WDFY4: variants seen among roughly 807,000 people sequenced by gnomAD.
The protein encoded by WDFY4 is WDFY family member 4.
A neutral mutation model predicts 351.9 loss-of-function variants in WDFY4; 169 were observed. That is an observed-to-expected ratio of 0.48 (90% confidence interval 0.42 to 0.55). WDFY4 has a LOEUF of 0.55. Among genes scored for constraint, WDFY4 ranks in the 20% least tolerant of loss-of-function variants. WDFY4 has a pLI of 0.00. For synonymous variants in WDFY4, 1,622 were observed against 1,574.6 expected (o/e 1.03, Z -0.71); for missense variants, 3,803 against 3,935.6 (o/e 0.97, Z 0.90).
intron 13 of WDFY4, among the ~76,000 whole-genome samples, chr10:48,761,485 G>A (rs2065504618): frequency 6.6e-6 from 1 of 152,192 alleles, no homozygotes; most frequent in African/African-American, 2.4e-5. Context: ...CTGTGAGAAG[G>A]TGTGAAGAAA....
At chr10:48,805,027 G>A (rs1477100159) in intron 25 of WDFY4, among the ~76,000 whole-genome samples, 1 of 152,098 alleles carries the variant, frequency 6.6e-6, no homozygotes, top group Non-Finnish European at 1.5e-5. Context: ...GTTTGTCTTT[G>A]AAGGTGGTTT....
At chr10:48,817,483 TCCCTC>T in intron 32 of WDFY4, 74 bp downstream of exon 32, 3 of 1,427,204 alleles carry the variant, frequency 2.1e-6, no homozygotes, top group Non-Finnish European at 2.8e-6. Flanking sequence ...AAGGGCAAAA[TCCCTC>T]CCCTCCCCCC....
At position 48,705,996 on chromosome 10, in the gene WDFY4, T is replaced by C. The variant is rs552387512; in HGVS notation, c.-17-3720T>C. On this transcript the variant is annotated intron_variant, in intron 1 of 61. Transcript: ENST00000325239. ...GGTAGAGACAACACTAAGCTTGCTG[T>C]TACCATGGCTTGGGGCTGGCTCTAT... Among the ~76,000 whole-genome samples the C allele has an allele frequency of 3.9e-5, 6 of 152,314 alleles. No individual in the cohort carries two copies. The South Asian group carries it at 6.2e-4, about 16-fold the overall frequency.
intron 12 of WDFY4, among the ~76,000 whole-genome samples, chr10:48,749,191 C>G (rs1382363786): frequency 6.6e-6 from 1 of 152,148 alleles, no homozygotes; most frequent in Non-Finnish European, 1.5e-5. Flanking sequence ...GAATATTTTT[C>G]ATAACACAGA....
intron 43 of WDFY4, among the ~76,000 whole-genome samples, chr10:48,880,865 G>A (rs900784363): frequency 6.6e-6 from 1 of 152,256 alleles, no homozygotes; most frequent in African/African-American, 2.4e-5. Context: ...CCTGCTTCTG[G>A]AGATGCAGGC....
rs112243459 is a variant in WDFY4 at position 48,734,375 on chromosome 10, A to G, written c.1687+340A>G. 1.7e-3 allele frequency among the ~76,000 whole-genome samples: 265 copies of G among 152,304 alleles called. 2 individuals carry two copies. The highest frequency in any genetic ancestry group is 6.2e-3 in the African/African-American group (257 of 41,566). On this transcript the variant is annotated intron_variant, in intron 10 of 61. Coordinates refer to ENST00000325239, the MANE Select transcript of WDFY4 (RefSeq NM_001394531.1). ...AATTTTTTTTTAGATCCAAAGAGTA[A>G]CATACGGGCAAAGAAATCTAGCCAT...
Position 48,709,640 on chromosome 10 carries a change from C to T in WDFY4, c.-17-76C>T, listed in dbSNP as rs2063718762. On this transcript the variant is annotated intron_variant, in intron 1 of 61. Coordinates refer to ENST00000325239, the MANE Select transcript of WDFY4 (RefSeq NM_001394531.1). ...CAATAGAAACTGGGCTGAGTGAGTA[C>T]AGTACCTTATCCACAGCCAGAATCA... 6.2e-6 allele frequency: 8 copies of T among 1,292,888 alleles called. No homozygotes were observed. In the South Asian group the frequency reaches 8.1e-5, roughly 13 times the overall value. The allele number at this position is 1,292,888 out of a possible 1,614,324, so 80.1% of individuals were successfully genotyped here.
intron 42 of WDFY4, 145 bp downstream of exon 42, chr10:48,875,285 A>C (rs2069952843): frequency 2.6e-6 from 1 of 386,954 alleles, no homozygotes. Flanking sequence ...CTGCACTTCC[A>C]GAGAGAAGAC....
At position 48,974,516 on chromosome 10, in the gene WDFY4, A is replaced by AAAAAAAAAAAAAAAAAC. The variant is rs1554824248; in HGVS notation, c.8929-333_8929-332insAAACAAAAAAAAAAAAA. Among the ~76,000 whole-genome samples the AAAAAAAAAAAAAAAAAC allele has an allele frequency of 1.7e-3, 27 of 16,350 alleles. 5 individuals carry two copies. The highest frequency in any genetic ancestry group is 8.1e-3 in the South Asian group (3 of 370). The allele number at this position is 16,350 out of a possible 152,430, so 10.7% of individuals were successfully genotyped here. A position where few individuals can be genotyped will look rare whatever the true frequency, so the allele number is the denominator to read the frequency against. On this transcript the variant is annotated intron_variant, in intron 57 of 61. Transcript: ENST00000325239. The stretch of plus-strand genomic sequence containing the variant: ...AGACTCCGTCTCAAAAAAAAAAAAA[A>AAAAAAAAAAAAAAAAAC]AAAAAAAAAAAAACAACTCATGACA...
chr10:48,830,644 C>G, intron 37 of WDFY4, 56 bp from the exon 38 acceptor site: 1 of 1,516,290 alleles, frequency 6.6e-7, no homozygotes, highest in Non-Finnish European at 8.9e-7. Context: ...TCTCCCAGCC[C>G]TCTCTGGGAG....
chr10:48,712,523 C>T (rs373752154), intron 2 of WDFY4, among the ~76,000 whole-genome samples: 1 of 152,182 alleles, frequency 6.6e-6, no homozygotes, highest in Non-Finnish European at 1.5e-5. Flanking sequence ...TTTATTAAGT[C>T]CTACATGCCT....
intron 47 of WDFY4, among the ~76,000 whole-genome samples, chr10:48,939,583 GATA>G (rs1243781594): frequency 3.9e-5 from 6 of 152,174 alleles, no homozygotes; most frequent in Admixed American, 1.3e-4. Flanking sequence ...AAACTTACAT[GATA>G]ATGATGGATG....
At chr10:48,850,197 AC>A (rs1196099303) in intron 39 of WDFY4, among the ~76,000 whole-genome samples, 1 of 152,194 alleles carries the variant, frequency 6.6e-6, no homozygotes, top group African/African-American at 2.4e-5. Flanking sequence ...CACACTTGAT[AC>A]TTTGGAATCA....
At chr10:48,929,154 A>G (rs1839830178) in intron 47 of WDFY4, among the ~76,000 whole-genome samples, 1 of 152,028 alleles carries the variant, frequency 6.6e-6, no homozygotes, top group African/African-American at 2.4e-5. Context: ...CAGGGAGAGA[A>G]TTTCAGATGG....
Position 48,974,527 on chromosome 10 carries a change from A to AAAAAAAAAAAAAAAAAAAAAAAAAAC in WDFY4, c.8929-333_8929-332insAAAAAAAAAAAAAAAAAAAAAAACAA. Among the ~76,000 whole-genome samples the AAAAAAAAAAAAAAAAAAAAAAAAAAC allele has an allele frequency of 1.1e-3, 25 of 23,188 alleles. 6 individuals are homozygous for AAAAAAAAAAAAAAAAAAAAAAAAAAC. The highest frequency in any genetic ancestry group is 1.8e-3 in the African/African-American group (25 of 13,804). The allele number at this position is 23,188 out of a possible 152,430, so 15.2% of individuals were successfully genotyped here. ...CAAAAAAAAAAAAAAAAAAAAAAAA[A>AAAAAAAAAAAAAAAAAAAAAAAAAAC]AACAACTCATGACATGAACTGCTCC... On this transcript the variant is annotated intron_variant, in intron 57 of 61. Coordinates refer to ENST00000325239, the MANE Select transcript of WDFY4 (RefSeq NM_001394531.1).
intron 47 of WDFY4, among the ~76,000 whole-genome samples, chr10:48,909,188 T>C (rs1398767138): frequency 6.6e-6 from 1 of 152,240 alleles, no homozygotes; most frequent in Non-Finnish European, 1.5e-5. Context: ...AATTTGGTTG[T>C]TTCCATTTTG....
chr10:48,836,524 GCC>G lies in WDFY4; in HGVS notation c.6663+3817_6663+3818del, dbSNP rs1469035075. ...TTCCTTATCATGTCAGCAGCTGATA[GCC>G]CTATAGCACTGATAAATTGTTCCTT... On this transcript the variant is annotated intron_variant, in intron 39 of 61. Transcript: ENST00000325239. 5.3e-5 allele frequency among the ~76,000 whole-genome samples: 8 copies of G among 152,322 alleles called. No individual in the cohort carries two copies. The East Asian group carries it at 1.5e-3, about 29-fold the overall frequency.
intron 47 of WDFY4, among the ~76,000 whole-genome samples, chr10:48,911,667 A>G (rs192293810): frequency 6.6e-6 from 1 of 152,366 alleles, no homozygotes; most frequent in East Asian, 1.9e-4. Context: ...TTAACTATGT[A>G]TAAAAATATA....
intron 13 of WDFY4, among the ~76,000 whole-genome samples, chr10:48,762,120 A>C (rs2065527071): frequency 1.3e-5 from 2 of 152,216 alleles, no homozygotes; most frequent in African/African-American, 2.4e-5. Context: ...CGGAGGCAAC[A>C]TGTTTGGGGA....
Sources: allele counts gnomAD v4.1 joint callset (sites outside exome capture counted in the v4.1 genomes callset), GRCh38; gene constraint gnomAD v4.1.1; transcripts MANE v1.5; gene names NCBI Gene and HGNC (gene_info 2026-07-23, HGNC 2026-07-21).